CACNG2: variants seen among roughly 807,000 people sequenced by gnomAD.
The protein encoded by CACNG2 is calcium voltage-gated channel auxiliary subunit gamma 2.
CACNG2 carries 3 observed loss-of-function variants against 25.9 expected under a neutral mutation model. The ratio of observed to expected loss-of-function variants is 0.12; its 90% CI spans 0.05 to 0.30. CACNG2 has a LOEUF of 0.30. CACNG2 is among the 10% of genes least tolerant of loss of function. The probability of loss-of-function intolerance (pLI) is 1.00; values close to 1 mark genes in which losing one functional copy is unlikely to be tolerated. For synonymous variants in CACNG2, 167 were observed against 173.3 expected (o/e 0.96, Z 0.29); for missense variants, 341 against 432.5 (o/e 0.79, Z 1.88).
intron 1 of CACNG2, among the ~76,000 whole-genome samples, chr22:36,644,094 G>A (rs1373126630): frequency 1.3e-5 from 2 of 151,748 alleles, no homozygotes; most frequent in African/African-American, 2.4e-5. Flanking sequence ...AGGGATTTGG[G>A]GAAAAAAAAG....
chr22:36,587,134 T>A (rs1935518702), intron 2 of CACNG2, among the ~76,000 whole-genome samples: 1 of 152,038 alleles, frequency 6.6e-6, no homozygotes, highest in African/African-American at 2.4e-5. Context: ...GTTACTCAAA[T>A]AGCCAAGGAC....
At chr22:36,574,753 G>A (rs1008664998) in intron 2 of CACNG2, among the ~76,000 whole-genome samples, 1 of 152,100 alleles carries the variant, frequency 6.6e-6, no homozygotes, top group Non-Finnish European at 1.5e-5. Context: ...TTGCACTCCA[G>A]CCTGGGCAAC....
intron 2 of CACNG2, chr22:36,584,742 C>G (rs1377066327): frequency 6.6e-6 from 1 of 152,272 alleles, no homozygotes; most frequent in Non-Finnish European, 1.5e-5. Context: ...CCACACGATT[C>G]CTTCTATTCC....
At chr22:36,648,764 T>G (rs987340545) in intron 1 of CACNG2, among the ~76,000 whole-genome samples, 2 of 152,184 alleles carry the variant, frequency 1.3e-5, no homozygotes, top group Non-Finnish European at 2.9e-5. Flanking sequence ...CCTGGGAATC[T>G]TCTTTGCTTT....
intron 1 of CACNG2, among the ~76,000 whole-genome samples, chr22:36,619,046 A>G (rs1185767318): frequency 6.6e-6 from 1 of 152,248 alleles, no homozygotes; most frequent in Non-Finnish European, 1.5e-5. Context: ...TCCATAAAAT[A>G]GCTTTTGAAA....
At position 36,561,963 on chromosome 22, in the gene CACNG2, C is replaced by T. The variant is rs1223131390; in HGVS notation, c.*2388G>A. ...GTAAACCTCAGAGGATCCTCTTTTT[C>T]ACAGACCCCCAAAGACACTGGGGAA... On this transcript the variant is annotated 3_prime_UTR_variant, in exon 4 of 4. Transcript: ENST00000300105. 6.6e-6 allele frequency: 1 copy of T among 152,274 alleles called. No homozygotes were observed. Among genetic ancestry groups the T allele is most frequent in the Non-Finnish European group, 1.5e-5 (1 of 68,102 alleles). The allele number at this position is 152,274 out of a possible 1,614,324, so 9.4% of individuals were successfully genotyped here. A position where few individuals can be genotyped will look rare whatever the true frequency, so the allele number is the denominator to read the frequency against.
At chr22:36,679,227 T>TTTCC (rs200816606) in intron 1 of CACNG2, among the ~76,000 whole-genome samples, 1 of 143,880 alleles carries the variant, frequency 7.0e-6, no homozygotes, top group Non-Finnish European at 1.5e-5. Context: ...TCTTTCTTTC[T>TTTCC]TTCCTTCTTT....
intron 1 of CACNG2, among the ~76,000 whole-genome samples, chr22:36,609,852 G>A (rs139307775): frequency 1.9e-4 from 28 of 145,622 alleles, no homozygotes; most frequent in African/African-American, 7.0e-4. Flanking sequence ...GAGTTTGATC[G>A]AGCAGGAATC....
At chr22:36,695,560 C>T (rs1937328465) in intron 1 of CACNG2, among the ~76,000 whole-genome samples, 1 of 146,894 alleles carries the variant, frequency 6.8e-6, no homozygotes, top group African/African-American at 2.5e-5. Flanking sequence ...CCTTCCTTGC[C>T]TATCTCTGGA....
chr22:36,614,312 A>G (rs1346173930), intron 1 of CACNG2, among the ~76,000 whole-genome samples: 4 of 152,050 alleles, frequency 2.6e-5, no homozygotes, highest in African/African-American at 9.7e-5. Context: ...CCACCCCTGG[A>G]TACTCCCTAT....
intron 2 of CACNG2, among the ~76,000 whole-genome samples, chr22:36,577,636 G>A (rs1935345148): frequency 6.9e-6 from 1 of 144,762 alleles, no homozygotes; most frequent in Non-Finnish European, 1.5e-5. Context: ...GCGACAGAGT[G>A]AGACTCCGTC....
intron 1 of CACNG2, among the ~76,000 whole-genome samples, chr22:36,627,311 TG>T (rs1936199571): frequency 2.6e-5 from 4 of 151,386 alleles, no homozygotes; most frequent in African/African-American, 9.7e-5. Context: ...TGTGTGTGTG[TG>T]TGTGTGTGTA....
chr22:36,675,595 C>T (rs1937009906), intron 1 of CACNG2, among the ~76,000 whole-genome samples: 1 of 152,216 alleles, frequency 6.6e-6, no homozygotes, highest in Admixed American at 6.5e-5. Context: ...AGCCACAGAG[C>T]CTGCTGGGCT....
intron 1 of CACNG2, among the ~76,000 whole-genome samples, chr22:36,660,150 C>T (rs1936769456): frequency 6.6e-6 from 1 of 152,260 alleles, no homozygotes; most frequent in South Asian, 2.1e-4. Flanking sequence ...GTCATTGTCC[C>T]TCACTAGGCC....
At chr22:36,675,341 G>T (rs1937006748) in intron 1 of CACNG2, among the ~76,000 whole-genome samples, 1 of 152,060 alleles carries the variant, frequency 6.6e-6, no homozygotes, top group South Asian at 2.1e-4. Context: ...ACCATGCCTG[G>T]CTTAAATAAG....
At chr22:36,657,492 C>T (rs1054621675) in intron 1 of CACNG2, among the ~76,000 whole-genome samples, 1 of 152,132 alleles carries the variant, frequency 6.6e-6, no homozygotes, top group African/African-American at 2.4e-5. Flanking sequence ...AAGAGGTGTG[C>T]ACGTTGCTCC....
intron 1 of CACNG2, among the ~76,000 whole-genome samples, chr22:36,677,398 C>T (rs1007778040): frequency 1.3e-5 from 2 of 152,154 alleles, no homozygotes; most frequent in East Asian, 1.9e-4. Flanking sequence ...TAAGCTTTCT[C>T]GGGTCCACGG....
intron 1 of CACNG2, among the ~76,000 whole-genome samples, chr22:36,610,357 CGTAGAGCGTGA>C (rs1368147296): frequency 4.2e-4 from 64 of 150,736 alleles, no homozygotes; most frequent in Non-Finnish European, 3.7e-4. Flanking sequence ...GAGTCAGCCC[CGTAGAGCGTGA>C]TTGGGAGGAA....
chr22:36,701,588 C>G, intron 1 of CACNG2, among the ~76,000 whole-genome samples: 1 of 149,798 alleles, frequency 6.7e-6, no homozygotes, highest in African/African-American at 2.5e-5. Context: ...CTCAAGCCGG[C>G]TGCAATGCTG....
Sources: gnomAD v4.1 joint callset for allele counts (sites outside exome capture counted in the v4.1 genomes callset) on GRCh38, gnomAD v4.1.1 for gene constraint, MANE v1.5 for transcripts, NCBI Gene and HGNC (gene_info 2026-07-23, HGNC 2026-07-21) for gene names.